The following KIAA1217 variants were observed in gnomAD, a reference collection of about 807,000 sequenced individuals.
KIAA1217 encodes sickle tail protein homolog.
KIAA1217 carries 88 observed loss-of-function variants against 163.9 expected under a neutral mutation model. The ratio of observed to expected loss-of-function variants is 0.54; its 90% confidence interval spans 0.45 to 0.64. The LOEUF is 0.64. Among genes scored for constraint, KIAA1217 ranks in the 30% least tolerant of loss-of-function variants. The probability of loss-of-function intolerance (pLI) is 0.00; values close to 1 mark genes in which losing one functional copy is unlikely to be tolerated. For synonymous variants in KIAA1217, 903 were observed against 923.1 expected (o/e 0.98, Z 0.39); for missense variants, 2,372 against 2,475.0 (o/e 0.96, Z 0.88).
intron 2 of KIAA1217, among the ~76,000 whole-genome samples, chr10:24,051,136 A>G (rs181042985): frequency 1.3e-5 from 2 of 152,268 alleles, no homozygotes; most frequent in East Asian, 1.9e-4. Flanking sequence ...TTGCATCCTC[A>G]TAGCTTAGCT....
At chr10:23,973,020 C>T (rs1845385989) in intron 1 of KIAA1217, among the ~76,000 whole-genome samples, 1 of 152,064 alleles carries the variant, frequency 6.6e-6, no homozygotes, top group Non-Finnish European at 1.5e-5. Flanking sequence ...ACCACCATGT[C>T]ACACATATAC....
intron 1 of KIAA1217, among the ~76,000 whole-genome samples, chr10:23,804,314 C>T (rs1445725915): frequency 6.6e-6 from 1 of 152,196 alleles, no homozygotes; most frequent in African/African-American, 2.4e-5. Context: ...GCCGTGAGTA[C>T]ATCTGTCTTT....
chr10:23,732,394 A>T (rs1361605492), intron 1 of KIAA1217, among the ~76,000 whole-genome samples: 1 of 152,208 alleles, frequency 6.6e-6, no homozygotes, highest in Non-Finnish European at 1.5e-5. Context: ...ACAATAAAAA[A>T]TAGAAATTTA....
chr10:24,337,018 A>T (rs1171790075), intron 2 of KIAA1217, among the ~76,000 whole-genome samples: 2 of 152,252 alleles, frequency 1.3e-5, no homozygotes, highest in African/African-American at 4.8e-5. Context: ...TTTTATAGAT[A>T]TGACAACAAA....
chr10:23,782,277 C>G (rs573219659), intron 1 of KIAA1217, among the ~76,000 whole-genome samples: 23 of 151,964 alleles, frequency 1.5e-4, no homozygotes, highest in Non-Finnish European at 3.1e-4. Context: ...GATCTTTTAT[C>G]TCCTCAGTTA....
chr10:24,204,008 A>G (rs748407885), upstream of KIAA1217, among the ~76,000 whole-genome samples: 21 of 152,274 alleles, frequency 1.4e-4, no homozygotes, highest in Non-Finnish European at 2.8e-4. Context: ...TAAAATAGAT[A>G]AAAGAAACCA....
chr10:23,720,256 G>A lies in KIAA1217; in HGVS notation c.-321+25022G>A, dbSNP rs61849175. Among the ~76,000 whole-genome samples the A allele has an allele frequency of 5.6e-3, 846 of 152,216 alleles. 4 individuals are homozygous for A. The highest frequency in any genetic ancestry group is 8.2e-3 in the Non-Finnish European group (559 of 68,018). ...ACTGAAGAATGGGGAGTTGGAGAGA[G>A]GGGTGGGGCATTGTCATAGTATTTT... On this transcript the variant is annotated intron_variant, in intron 1 of 18. Coordinates refer to the KIAA1217 transcript ENST00000376462.
rs139199571 is a variant in KIAA1217 at position 24,125,374 on chromosome 10, T to C, written c.-170-94252T>C. 4.1e-3 allele frequency among the ~76,000 whole-genome samples: 589 copies of C among 143,180 alleles called. 3 individuals carry two copies. The highest frequency in any genetic ancestry group is 0.014 in the African/African-American group (563 of 40,204). 93.9% of individuals were successfully genotyped at this position (143,180 alleles called of 152,430 possible). On this transcript the variant is annotated intron_variant, in intron 2 of 18. Transcript: ENST00000376462. Reference sequence around the variant, plus strand: ...TGTGTGTGTGTGTGTGAATAGGCTTTAACTATAAATTCACTTCCTCTTATT... The same window carrying C: ...TGTGTGTGTGTGTGTGAATAGGCTTCAACTATAAATTCACTTCCTCTTATT...
At chr10:24,438,773 A>G (rs906775055) in intron 5 of KIAA1217, among the ~76,000 whole-genome samples, 1 of 152,242 alleles carries the variant, frequency 6.6e-6, no homozygotes, top group African/African-American at 2.4e-5. Flanking sequence ...CCTGGTCCAC[A>G]GTATATTAAC....
chr10:24,005,383 G>T (rs753707840), intron 1 of KIAA1217, among the ~76,000 whole-genome samples: 12 of 152,192 alleles, frequency 7.9e-5, no homozygotes, highest in Non-Finnish European at 1.5e-4. Context: ...TACAGGGACA[G>T]TCAGGCAATT....
intron 1 of KIAA1217, among the ~76,000 whole-genome samples, chr10:23,933,248 T>C (rs899557481): frequency 2.0e-5 from 3 of 151,858 alleles, no homozygotes; most frequent in African/African-American, 7.3e-5. Context: ...ATGAATAGAG[T>C]TTCAGACCAA....
chr10:24,511,232 C>T (rs1350852497), intron 9 of KIAA1217, among the ~76,000 whole-genome samples: 1 of 149,114 alleles, frequency 6.7e-6, no homozygotes, highest in Non-Finnish European at 1.5e-5. Context: ...GTGCCAGGTG[C>T]ATGGAGGGAG....
At chr10:24,268,554 AAAC>A (rs1256136159) in intron 2 of KIAA1217, among the ~76,000 whole-genome samples, 1 of 145,300 alleles carries the variant, frequency 6.9e-6, no homozygotes, top group Non-Finnish European at 1.5e-5. Context: ...AAAAGTCAGG[AAAC>A]AACAGGTGCT....
chr10:24,351,923 T>C (rs532122922), intron 2 of KIAA1217, among the ~76,000 whole-genome samples: 2 of 152,306 alleles, frequency 1.3e-5, no homozygotes, highest in East Asian at 3.9e-4. Context: ...ACCACCCTGC[T>C]GCTCACAGGT....
chr10:24,072,666 A>C (rs973805645), intron 2 of KIAA1217, among the ~76,000 whole-genome samples: 1 of 152,196 alleles, frequency 6.6e-6, no homozygotes, highest in African/African-American at 2.4e-5. Context: ...GGCAGCCACC[A>C]CCACAGATGC....
intron 2 of KIAA1217, among the ~76,000 whole-genome samples, chr10:24,031,734 T>A (rs1218439660): frequency 1.3e-5 from 2 of 152,206 alleles, no homozygotes; most frequent in Non-Finnish European, 2.9e-5. Flanking sequence ...CACTTATGTG[T>A]AAAATTTATG....
chr10:24,472,156 G>A lies in KIAA1217; in HGVS notation c.847-1072G>A, dbSNP rs12412950. Among the ~76,000 whole-genome samples, 42 of 152,196 alleles carry A rather than the reference G, an allele frequency of 2.8e-4. No individual in the cohort carries two copies. In the South Asian group the frequency reaches 2.9e-3, roughly 11 times the overall value. On this transcript the variant is annotated intron_variant, in intron 5 of 20. Transcript: ENST00000376454. The stretch of plus-strand genomic sequence containing the variant: ...GATCATCATAAAGGTCTTCATCCTC[G>A]TCAACTTCATGTTGAATAGGTGAGA...
At chr10:24,536,732 T>G in intron 16 of KIAA1217, 42 bp from the exon 17 acceptor site, 1 of 1,604,154 alleles carries the variant, frequency 6.2e-7, no homozygotes, top group Non-Finnish European at 8.5e-7. Flanking sequence ...TTCTCCTCAG[T>G]ACCCTTGGAT....
At chr10:23,746,123 A>G (rs994504757) in intron 1 of KIAA1217, among the ~76,000 whole-genome samples, 2 of 152,206 alleles carry the variant, frequency 1.3e-5, no homozygotes, top group African/African-American at 2.4e-5. Flanking sequence ...ATGGGGGCAG[A>G]TCCCTCATGA....
Sources: gnomAD v4.1 joint callset for allele counts (sites outside exome capture counted in the v4.1 genomes callset) on GRCh38, gnomAD v4.1.1 for gene constraint, MANE v1.5 for transcripts, NCBI Gene and HGNC (gene_info 2026-07-23, HGNC 2026-07-21) for gene names.